The following BAG6 variants were observed in gnomAD, a reference collection of about 807,000 sequenced individuals.
BAG6 encodes large proline-rich protein BAG6.
A neutral mutation model predicts 121.0 loss-of-function variants in BAG6; 22 were observed. The observed-to-expected ratio is 0.18, with a 90% CI of 0.13 to 0.26. The LOEUF is 0.26. Among genes scored for constraint, BAG6 ranks in the 10% least tolerant of loss-of-function variants. The probability of loss-of-function intolerance (pLI) is 1.00; values close to 1 mark genes in which losing one functional copy is unlikely to be tolerated. For missense variants in BAG6, 1,233 were observed against 1,537.7 expected, an observed-to-expected ratio of 0.80 and a Z score of 3.31; for synonymous variants, 583 against 584.6, an observed-to-expected ratio of 1.00 and a Z score of 0.04.
At position 31,648,533 on chromosome 6, in the gene BAG6, T is replaced by C. The variant is rs1004933498; in HGVS notation, c.552+144A>G. On this transcript the variant is annotated intron_variant, in intron 6 of 25. Coordinates refer to ENST00000676615, the MANE Select transcript of BAG6 (RefSeq NM_001387994.1). ...GAGAGCCTCACAAAGATACTTTTTC[T>C]GCCCAAAAGAATGAATACTGCAGAG... 6.7e-6 allele frequency: 5 copies of C among 750,394 alleles called. No homozygotes were observed. In the African/African-American group the frequency reaches 7.0e-5, roughly 11 times the overall value. 46.5% of individuals were successfully genotyped at this position (750,394 alleles called of 1,614,324 possible).
Position 31,644,721 on chromosome 6 carries a change from C to A in BAG6, c.1370-119G>T. On this transcript the variant is annotated intron_variant, in intron 10 of 25. Coordinates refer to ENST00000676615, the MANE Select transcript of BAG6 (RefSeq NM_001387994.1). The surrounding 1 kb of genome is among the most constrained non-coding windows in gnomAD (Gnocchi z 4.9). ...CCCCCAATCAGAAAGCCTGCCTTTC[C>A]CTCCATCTAAACAGGGAGAGGTACT... 4 of 1,297,634 alleles carry A rather than the reference C, an allele frequency of 3.1e-6. No homozygotes were observed. The highest frequency in any genetic ancestry group is 4.4e-6 in the Non-Finnish European group (4 of 906,922). The allele number at this position is 1,297,634 out of a possible 1,614,324, so 80.4% of individuals were successfully genotyped here.
chr6:31,640,674 C>T lies in BAG6; in HGVS notation c.2965G>A (p.Gly989Arg). The change falls in exon 22 of 26, where the codon GGA (glycine) becomes AGA (arginine). Residue 989 changes from glycine (G) to arginine (R), a missense_variant. Physicochemically the swap from Gly to Arg is moderately radical, Grantham distance 125. Around this residue, in one of 7 missense-constraint regions of BAG6, gnomAD observed 288 missense variants for 483.1 expected, o/e 0.60. Transcript: ENST00000676615. This position sits in a 1 kb window ranked among gnomAD's most constrained non-coding sequence, Gnocchi z 4.2. ...GGCTCAGGGGAAGCTCTTTCTGCTC[C>T]CTGAACTTCCATTGGCTCCTCAGGA... ...PLPEEPMEVQ[G>R]AERASPEPQR... 6.2e-7 allele frequency: 1 copy of T among 1,613,028 alleles called. No homozygotes were observed. Among genetic ancestry groups the T allele is most frequent in the East Asian group, 2.2e-5 (1 of 44,882 alleles).
At position 31,646,505 on chromosome 6, in the gene BAG6, C is replaced by T; in HGVS notation, c.807G>A (p.Glu269=). ...GTAGCTCCTGGAGCACCTCGACATA[C>T]TCCGCAGGGGAAGGATGGCTGTGGA... ...TNAPNHPSPA[E]YVEVLQELQR... is the part of the protein sequence containing the mutation. The change falls in exon 8 of 26, where the codon GAG becomes GAA. Residue 269 remains glutamate, a synonymous_variant. Coordinates refer to ENST00000676615, the MANE Select transcript of BAG6 (RefSeq NM_001387994.1). The T allele has an allele frequency of 1.2e-6, 2 of 1,612,798 alleles. No individual in the cohort carries two copies. The highest frequency in any genetic ancestry group is 1.3e-5 in the African/African-American group (1 of 75,024).
Position 31,641,822 on chromosome 6 carries a change from T to C in BAG6, c.2459A>G (p.His820Arg). The change falls in exon 17 of 26, where the codon CAC (histidine) becomes CGC (arginine). Residue 820 changes from histidine to arginine, a missense_variant. Transcript: ENST00000676615. The surrounding 1 kb of genome is among the most constrained non-coding windows in gnomAD (Gnocchi z 5.7). ...RLQPQLRSFFHQHYLGGQEPT... is the reference protein window; with the variant it reads ...RLQPQLRSFFRQHYLGGQEPT... ...CTCCTGACCACCCAGGTAGTGCTGG[T>C]GGAAGAAGGATCGCAGCTGGGGCTG... The C allele has an allele frequency of 6.2e-7, 1 of 1,612,958 alleles. No individual in the cohort carries two copies. Among genetic ancestry groups the C allele is most frequent in the Non-Finnish European group, 8.5e-7 (1 of 1,180,004 alleles).
rs754601055 is a variant in BAG6, at chr6:31,640,548, AAGAGCC to A, written c.2995-26_2995-21del. ...CTCCCGCTGGGTGTCAGATGGCGGGAAGAGCCAGGCTTCAGAATTTTTAGCCTCCAA... is the reference window on the plus strand; with the variant it reads ...CTCCCGCTGGGTGTCAGATGGCGGGAAGGCTTCAGAATTTTTAGCCTCCAA... On this transcript the variant is annotated intron_variant, in intron 22 of 25. Transcript: ENST00000676615. This position sits in a 1 kb window ranked among gnomAD's most constrained non-coding sequence, Gnocchi z 4.2. 8 of 1,612,588 alleles carry A rather than the reference AAGAGCC, an allele frequency of 5.0e-6. No individual in the cohort carries two copies. The highest frequency in any genetic ancestry group is 5.9e-6 in the Non-Finnish European group (7 of 1,179,802).
Position 31,646,520 on chromosome 6 carries a change from A to G in BAG6, c.792T>C (p.His264=). The change falls in exon 8 of 26, where the codon CAT becomes CAC. Residue 264 remains histidine (H), a synonymous_variant. Transcript: ENST00000676615. ...TPAPETNAPN[H]PSPAEYVEVL... is the part of the protein sequence containing the mutation. ...CCTCGACATACTCCGCAGGGGAAGG[A>G]TGGCTGTGGACAAACCCAAGGGGCA... The G allele has an allele frequency of 6.2e-7, 1 of 1,612,480 alleles. No homozygotes were observed. The highest frequency in any genetic ancestry group is 1.1e-5 in the South Asian group (1 of 91,052).
In BAG6 at chr6:31,652,355, ACACACC is replaced by A. The variant is rs958695853; in HGVS notation, c.-14+63_-14+68del. ...CACACACACACACACACACACACAC[ACACACC>A]CACCACCCCGCGGCTCCGCCCCCGA... On this transcript the variant is annotated intron_variant, in intron 1 of 25. Transcript: ENST00000676615. 14 of 147,502 alleles carry A rather than the reference ACACACC, an allele frequency of 9.5e-5. No individual in the cohort carries two copies. The South Asian group carries it at 1.2e-3, about 13-fold the overall frequency. The allele number at this position is 147,502 out of a possible 1,614,324, so 9.1% of individuals were successfully genotyped here.
chr6:31,644,848 G>T lies in BAG6; in HGVS notation c.1369+98C>A. 1 of 1,510,794 alleles carries T rather than the reference G, an allele frequency of 6.6e-7. No individual in the cohort carries two copies. 93.6% of individuals were successfully genotyped at this position (1,510,794 alleles called of 1,614,324 possible). On this transcript the variant is annotated intron_variant, in intron 10 of 25. Transcript: ENST00000676615. The surrounding 1 kb of genome is among the most constrained non-coding windows in gnomAD (Gnocchi z 4.9). Reference sequence around the variant, plus strand: ...TCTGGTCCCCAGGCTACCACCACCAGCATGTGCCTCTCCCTTCCCCACCCT... The same window carrying T: ...TCTGGTCCCCAGGCTACCACCACCATCATGTGCCTCTCCCTTCCCCACCCT...
Position 31,639,185 on chromosome 6 carries a change from G to C in BAG6, c.3435C>G (p.Asn1145Lys), listed in dbSNP as rs1779505731. 7.4e-6 allele frequency: 12 copies of C among 1,613,948 alleles called. No individual in the cohort carries two copies. The highest frequency in any genetic ancestry group is 1.3e-5 in the African/African-American group (1 of 74,904). Residue 1145 changes from asparagine to lysine, a missense_variant, in exon 26 of 26, where the codon AAC becomes AAG. Asn to Lys is a moderately conservative substitution (Grantham distance 94). Coordinates refer to ENST00000676615, the MANE Select transcript of BAG6 (RefSeq NM_001387994.1). ...DIQKRLQEDP[N>K]YSPQRFPNAQ... ...CATTGGGGAAGCGCTGGGGACTGTA[G>C]TTGGGGTCTTCCTGCAGTCGTTTTT... is the stretch of plus-strand genomic sequence containing the variant.
At position 31,639,897 on chromosome 6, in the gene BAG6, C is replaced by T. The variant is rs28732154; in HGVS notation, c.3247-251G>A. The T allele has an allele frequency of 0.059, 36,285 of 619,284 alleles. 1,611 individuals carry two copies. Among genetic ancestry groups the T allele is most frequent in the East Asian group, 0.14 (5,135 of 35,820 alleles). The allele number at this position is 619,284 out of a possible 1,614,324, so 38.4% of individuals were successfully genotyped here. A position where few individuals can be genotyped will look rare whatever the true frequency, so the allele number is the denominator to read the frequency against. ...GAAAGGCAGAAGGGGTCAAGCCATC[C>T]GGGATTCAGAGCTAGGTAATCCACA... On this transcript the variant is annotated intron_variant, in intron 24 of 25. Coordinates refer to ENST00000676615, the MANE Select transcript of BAG6 (RefSeq NM_001387994.1).
chr6:31,651,154 T>G (rs1437730283), intron 2 of BAG6, among the ~76,000 whole-genome samples: 1 of 152,218 alleles, frequency 6.6e-6, no homozygotes, highest in African/African-American at 2.4e-5. Flanking sequence ...CTGCATTAAG[T>G]TCTATCCATG....
intron 7 of BAG6, 146 bp downstream of exon 7, chr6:31,647,445 C>G: frequency 8.3e-7 from 1 of 1,205,364 alleles, no homozygotes; most frequent in Non-Finnish European, 1.2e-6. Flanking sequence ...TTACCTATAC[C>G]GAGAGAGCCC....
Position 31,642,945 on chromosome 6 carries a change from TC to T in BAG6, c.1926del (p.Asn643ThrfsTer3). On this transcript the variant is annotated frameshift_variant, in exon 15 of 26. Transcript: ENST00000676615. LOFTEE classifies it high-confidence loss of function. ...CCTGGCCCTGCAGGCCCTAGCAGGTTCCCCAGAAGCTGAGAGAACTGAAGAT... is the reference window on the plus strand; with the variant it reads ...CCTGGCCCTGCAGGCCCTAGCAGGTTCCCAGAAGCTGAGAGAACTGAAGAT... ...MADLQFSQLL[G>X]NLLGPAGPGA... is the part of the protein sequence containing the mutation. The T allele has an allele frequency of 6.2e-7, 1 of 1,607,300 alleles. No individual in the cohort carries two copies.
In BAG6 at chr6:31,649,287, C is replaced by G. The variant is rs780413093; in HGVS notation, c.335G>C (p.Gly112Ala). The change falls in exon 4 of 26, where the codon GGA (glycine) becomes GCA (alanine). Residue 112 changes from glycine to alanine, a missense_variant. By Grantham distance (60) the Gly-to-Ala change is moderately conservative (BLOSUM62 0). Coordinates refer to ENST00000676615, the MANE Select transcript of BAG6 (RefSeq NM_001387994.1). ...TGSASATHGG[G>A]SPPGTRGPGA... ...AGGCCCCCGAGTACCAGGGGGGGAT[C>G]CCCCACCATGAGTGGCTGAGGCAGA... is the stretch of plus-strand genomic sequence containing the variant. 1.2e-6 allele frequency: 2 copies of G among 1,613,190 alleles called. No individual in the cohort carries two copies. Among genetic ancestry groups the G allele is most frequent in the Non-Finnish European group, 1.7e-6 (2 of 1,179,986 alleles).
chr6:31,648,267 T>C (rs995360715), intron 6 of BAG6, among the ~76,000 whole-genome samples: 1 of 152,060 alleles, frequency 6.6e-6, no homozygotes. Flanking sequence ...CCCCCTGCCA[T>C]GGCGACCCAA....
Position 31,639,571 on chromosome 6 carries a change from G to A in BAG6, c.3322C>T (p.Pro1108Ser), listed in dbSNP as rs1360681216. 6.2e-7 allele frequency: 1 copy of A among 1,614,108 alleles called. No homozygotes were observed. The highest frequency in any genetic ancestry group is 1.3e-5 in the African/African-American group (1 of 75,046). Reference protein sequence around the residue: ...SRAAKAAGARPLTSPESLSRD... With the variant: ...SRAAKAAGARSLTSPESLSRD... ...CTCAGGCTCTCGGGGCTCGTCAGGGGCCGAGCTCCGGCTGCCTTAGCTGCC... is the reference window on the plus strand; with the variant it reads ...CTCAGGCTCTCGGGGCTCGTCAGGGACCGAGCTCCGGCTGCCTTAGCTGCC... Residue 1108 changes from proline to serine, a missense_variant, in exon 25 of 26, where the codon CCC becomes TCC. By Grantham distance (74) the Pro-to-Ser change is moderately conservative. Transcript: ENST00000676615.
At position 31,641,478 on chromosome 6, in the gene BAG6, G is replaced by A; in HGVS notation, c.2560-56C>T. On this transcript the variant is annotated intron_variant, in intron 18 of 25. Transcript: ENST00000676615. The surrounding 1 kb of genome is among the most constrained non-coding windows in gnomAD (Gnocchi z 5.7). ...AATCAAGAATCATAAGACTGGGAGT[G>A]GAGGAGGCAGCTGCCTTGACCAGAC... is the stretch of plus-strand genomic sequence containing the variant. The A allele has an allele frequency of 6.2e-7, 1 of 1,613,854 alleles. No individual in the cohort carries two copies. Among genetic ancestry groups the A allele is most frequent in the Non-Finnish European group, 8.5e-7 (1 of 1,179,726 alleles).
intron 1 of BAG6, 160 bp from the exon 2 acceptor site, chr6:31,651,936 G>GGA: frequency 1.8e-6 from 1 of 566,444 alleles, no homozygotes; most frequent in Non-Finnish European, 3.2e-6. Context: ...CGGGGCACAG[G>GGA]GAGAGAAACA....
rs763917447 is a variant in BAG6, at chr6:31,642,849, C to A, written c.2023G>T (p.Gly675Cys). The A allele has an allele frequency of 6.2e-7, 1 of 1,612,508 alleles. No homozygotes were observed. The highest frequency in any genetic ancestry group is 8.5e-7 in the Non-Finnish European group (1 of 1,179,492). ...CTCACCTGCAAGAAGTCAGTCATGCCTTGGAGAAAGGCAGGGACACCAGGC... is the reference window on the plus strand; with the variant it reads ...CTCACCTGCAAGAAGTCAGTCATGCATTGGAGAAAGGCAGGGACACCAGGC... ...AMPGVPAFLQ[G>C]MTDFLQATQT... The change falls in exon 15 of 26, where the codon GGC becomes TGC. Residue 675 changes from glycine to cysteine, a missense_variant. Physicochemically the swap from Gly to Cys is radical, Grantham distance 159 (BLOSUM62 -3). Coordinates refer to ENST00000676615, the MANE Select transcript of BAG6 (RefSeq NM_001387994.1).
Sources: gnomAD v4.1 joint callset for allele counts (sites outside exome capture counted in the v4.1 genomes callset) on GRCh38, gnomAD v4.1.1 for gene constraint, gnomAD v4.1.1 regional missense constraint, Gnocchi (gnomAD v3.1) non-coding constraint, MANE v1.5 for transcripts, NCBI Gene and HGNC (gene_info 2026-07-23, HGNC 2026-07-21) for gene names.